The following PCDH7 variants were observed in gnomAD, a reference collection of about 807,000 sequenced individuals.
PCDH7 encodes protocadherin 7.
PCDH7 carries 17 observed loss-of-function variants against 58.9 expected under a neutral mutation model. The ratio of observed to expected loss-of-function variants is 0.29; its 90% CI spans 0.20 to 0.43. The LOEUF (loss-of-function observed/expected upper bound fraction) is 0.43, where lower values mean the gene tolerates loss of function less well. Ranked by LOEUF, PCDH7 falls within the 20% of genes least tolerant of loss-of-function variation. PCDH7 has a pLI of 1.00. For missense variants in PCDH7, 1,274 were observed against 1,441.0 expected (o/e 0.88, Z 1.88); for synonymous variants, 664 against 616.4 (o/e 1.08, Z -1.14).
chr4:30,982,327 G>A (rs1232465672), intron 3 of PCDH7, among the ~76,000 whole-genome samples: 3 of 152,182 alleles, frequency 2.0e-5, no homozygotes, highest in Non-Finnish European at 4.4e-5. Flanking sequence ...ATTTCTCCTT[G>A]AGGAGTCTTC....
intron 1 of PCDH7, among the ~76,000 whole-genome samples, chr4:30,825,973 C>T (rs763362413): frequency 1.2e-4 from 18 of 152,036 alleles, no homozygotes; most frequent in Admixed American, 5.3e-4. Context: ...AGAAGCTGTT[C>T]TCGCCTTCCC....
intron 2 of PCDH7, chr4:30,935,488 G>A (rs980784421): frequency 5.6e-6 from 1 of 180,120 alleles, no homozygotes; most frequent in Admixed American, 6.5e-5. Context: ...AAGAAAACAT[G>A]AATAGTATCA....
chr4:30,968,376 C>CTATCTATATA (rs1749218988), intron 3 of PCDH7, among the ~76,000 whole-genome samples: 3 of 67,066 alleles, frequency 4.5e-5, no homozygotes, highest in African/African-American at 7.0e-5. Context: ...TATACACACA[C>CTATCTATATA]TATATATATA....
chr4:30,827,346 C>G (rs924811209), intron 1 of PCDH7, among the ~76,000 whole-genome samples: 9 of 152,250 alleles, frequency 5.9e-5, no homozygotes, highest in African/African-American at 1.9e-4. Context: ...GAATTTACAA[C>G]TAGTACTATA....
At chr4:30,800,533 G>T (rs1577857721) in intron 1 of PCDH7, among the ~76,000 whole-genome samples, 1 of 152,148 alleles carries the variant, frequency 6.6e-6, no homozygotes, top group East Asian at 1.9e-4. Context: ...TGTTTTCAAA[G>T]ACCTCACTAC....
intron 1 of PCDH7, among the ~76,000 whole-genome samples, chr4:30,819,871 G>A (rs188900962): frequency 5.9e-5 from 9 of 152,182 alleles, no homozygotes; most frequent in South Asian, 2.1e-4. Context: ...CTTCAAGAGC[G>A]GTAGTCTTGC....
intron 1 of PCDH7, among the ~76,000 whole-genome samples, chr4:30,789,868 A>G (rs1254965879): frequency 6.6e-6 from 1 of 152,138 alleles, no homozygotes; most frequent in Non-Finnish European, 1.5e-5. Context: ...CCCTGTTTCT[A>G]AATAAACCTT....
At chr4:30,868,130 T>G (rs1735106210) in intron 1 of PCDH7, among the ~76,000 whole-genome samples, 1 of 152,106 alleles carries the variant, frequency 6.6e-6, no homozygotes, top group Non-Finnish European at 1.5e-5. Flanking sequence ...CATGCACTAC[T>G]AACTGGGACT....
intron 3 of PCDH7, among the ~76,000 whole-genome samples, chr4:31,039,795 T>C (rs1024504091): frequency 1.8e-4 from 27 of 152,212 alleles, no homozygotes; most frequent in Non-Finnish European, 4.4e-5. Flanking sequence ...TCAGCCAAAT[T>C]TCCTCTTAAG....
At chr4:31,076,406 GAAATATTCT>G (rs1758993807) in intron 3 of PCDH7, among the ~76,000 whole-genome samples, 1 of 152,108 alleles carries the variant, frequency 6.6e-6, no homozygotes, top group Non-Finnish European at 1.5e-5. Context: ...GTTTCATACA[GAAATATTCT>G]AAGAGAAAAT....
chr4:31,116,285 CA>C (rs1436405272), intron 3 of PCDH7, among the ~76,000 whole-genome samples: 5 of 152,122 alleles, frequency 3.3e-5, no homozygotes. Context: ...TTTAGTTTAC[CA>C]AAAGTGGATT....
intron 3 of PCDH7, among the ~76,000 whole-genome samples, chr4:31,058,498 G>T (rs1757431540): frequency 6.6e-6 from 1 of 151,988 alleles, no homozygotes; most frequent in Non-Finnish European, 1.5e-5. Flanking sequence ...TTTTAGTTAG[G>T]CAGAGTGCAT....
intron 3 of PCDH7, among the ~76,000 whole-genome samples, chr4:30,968,115 G>C (rs531965461): frequency 1.3e-5 from 2 of 151,288 alleles, no homozygotes; most frequent in Admixed American, 1.3e-4. Flanking sequence ...ACACTATGTC[G>C]TCTCCACTGT....
At chr4:31,030,622 G>T (rs78921499) in intron 3 of PCDH7, among the ~76,000 whole-genome samples, 2,168 of 152,198 alleles carry the variant, frequency 0.014, 19 homozygotes, top group Non-Finnish European at 0.02. Context: ...AAGTTTTAGT[G>T]AATTTCAATT....
At chr4:30,729,831 G>A (rs1715222631) in intron 1 of PCDH7, among the ~76,000 whole-genome samples, 2 of 151,874 alleles carry the variant, frequency 1.3e-5, no homozygotes, top group African/African-American at 2.4e-5. Context: ...CAAGTTTTTA[G>A]AAGAATATGA....
At chr4:30,820,807 G>C (rs916119411) in intron 1 of PCDH7, among the ~76,000 whole-genome samples, 1 of 151,902 alleles carries the variant, frequency 6.6e-6, no homozygotes, top group Non-Finnish European at 1.5e-5. Context: ...ACAAGCCACA[G>C]GACTTTATTA....
At chr4:30,889,363 CCTT>C (rs10550633) in intron 1 of PCDH7, among the ~76,000 whole-genome samples, 25,901 of 151,432 alleles carry the variant, frequency 0.17, 2,261 homozygotes, top group African/African-American at 0.21. Context: ...CTATTATTAT[CCTT>C]ATTATTATAA....
chr4:30,964,250 ATT>A lies in PCDH7; in HGVS notation c.*7+14043_*7+14044del, dbSNP rs61539074. 7.0e-3 allele frequency among the ~76,000 whole-genome samples: 747 copies of A among 106,784 alleles called. 11 individuals carry two copies. Among genetic ancestry groups the A allele is most frequent in the African/African-American group, 0.039 (674 of 17,330 alleles). 70.1% of individuals were successfully genotyped at this position (106,784 alleles called of 152,430 possible). A position where few individuals can be genotyped will look rare whatever the true frequency, so the allele number is the denominator to read the frequency against. On this transcript the variant is annotated intron_variant, in intron 3 of 3. Coordinates refer to the PCDH7 transcript ENST00000509759. ...TATTTATTTATTTATTTATTTATTT[ATT>A]TTTTTTTGAGATGAAATCTGGCTCT...
intron 3 of PCDH7, among the ~76,000 whole-genome samples, chr4:30,980,084 A>C (rs1234702553): frequency 6.6e-6 from 1 of 152,194 alleles, no homozygotes; most frequent in East Asian, 1.9e-4. Flanking sequence ...GTTTTAGGGA[A>C]TAAGGAGCCT....
Sources: allele counts gnomAD v4.1 joint callset (sites outside exome capture counted in the v4.1 genomes callset), GRCh38; gene constraint gnomAD v4.1.1; transcripts MANE v1.5; gene names NCBI Gene and HGNC (gene_info 2026-07-23, HGNC 2026-07-21).